Variants in RPTOR observed in about 807,000 individuals in gnomAD.
RPTOR encodes the protein regulatory associated protein of MTOR complex 1.
Under a neutral mutation model 169.9 loss-of-function variants are expected in RPTOR, and 21 were observed. The ratio of observed to expected loss-of-function variants is 0.12; its 90% CI spans 0.09 to 0.18. The LOEUF is 0.18. RPTOR is among the 10% of genes least tolerant of loss of function. RPTOR has a pLI of 1.00. For missense variants in RPTOR, 1,133 were observed against 1,855.9 expected, an observed-to-expected ratio of 0.61 and a Z score of 7.16; for synonymous variants, 732 against 753.2, an observed-to-expected ratio of 0.97 and a Z score of 0.46.
intron 24 of RPTOR, among the ~76,000 whole-genome samples, chr17:80,937,136 C>A (rs1263127535): frequency 1.3e-5 from 2 of 152,182 alleles, no homozygotes; most frequent in African/African-American, 4.8e-5. Flanking sequence ...GCCCTCACTT[C>A]AGGTCATCAG....
At chr17:80,822,968 C>T (rs1298091774) in intron 8 of RPTOR, 111 bp from the exon 9 acceptor site, 2 of 1,156,848 alleles carry the variant, frequency 1.7e-6, no homozygotes, top group Non-Finnish European at 2.5e-6. Context: ...GGGAGATATG[C>T]ATATTAGTCC....
intron 3 of RPTOR, among the ~76,000 whole-genome samples, chr17:80,666,349 C>G (rs2065779225): frequency 6.6e-6 from 1 of 152,128 alleles, no homozygotes; most frequent in African/African-American, 2.4e-5. Flanking sequence ...GCTGCAGACA[C>G]AGAAGATGGA....
In RPTOR at chr17:80,960,272, T is replaced by A; in HGVS notation, c.3605+67T>A. ...GTACCTTCCAGGTGGTAGGGCCGTG[T>A]CACTGCCATTTGGTTGGGTCCAGGT... is the stretch of plus-strand genomic sequence containing the variant. On this transcript the variant is annotated intron_variant, in intron 30 of 33. Transcript: ENST00000306801. This position sits in a 1 kb window ranked among gnomAD's most constrained non-coding sequence, Gnocchi z 4.8. 3.1e-6 allele frequency: 5 copies of A among 1,590,618 alleles called. No individual in the cohort carries two copies. Among genetic ancestry groups the A allele is most frequent in the Non-Finnish European group, 4.3e-6 (5 of 1,162,084 alleles).
At chr17:80,731,765 T>C (rs1358334091) in intron 5 of RPTOR, among the ~76,000 whole-genome samples, 1 of 152,248 alleles carries the variant, frequency 6.6e-6, no homozygotes, top group Non-Finnish European at 1.5e-5. Context: ...TTTTTGAATA[T>C]ATTCAATTTT....
intron 11 of RPTOR, among the ~76,000 whole-genome samples, chr17:80,848,214 C>T (rs947454415): frequency 2.6e-5 from 4 of 152,176 alleles, no homozygotes; most frequent in South Asian, 2.1e-4. Flanking sequence ...TAGGCCAAGG[C>T]GGGGAAGGAT....
chr17:80,545,488 G>C lies in RPTOR; in HGVS notation c.-142G>C. 1 of 627,334 alleles carries C rather than the reference G, an allele frequency of 1.6e-6. No homozygotes were observed. The highest frequency in any genetic ancestry group is 3.0e-5 in the Admixed American group (1 of 33,280). The allele number at this position is 627,334 out of a possible 1,614,324, so 38.9% of individuals were successfully genotyped here. On this transcript the variant is annotated 5_prime_UTR_variant, in exon 1 of 34. Coordinates refer to ENST00000306801, the MANE Select transcript of RPTOR (RefSeq NM_020761.3). ...GGATCTCAGACTTTTGCCTGAGTAA[G>C]GGTCTCCGCACTCTTTATCCATTTG...
intron 2 of RPTOR, among the ~76,000 whole-genome samples, chr17:80,628,308 A>G (rs2065412095): frequency 6.6e-6 from 1 of 152,198 alleles, no homozygotes; most frequent in African/African-American, 2.4e-5. Flanking sequence ...TGCCTGAAGA[A>G]CTTACTCTAA....
intron 5 of RPTOR, among the ~76,000 whole-genome samples, chr17:80,752,188 C>G (rs144334350): frequency 4.6e-4 from 70 of 152,352 alleles, no homozygotes; most frequent in Non-Finnish European, 8.2e-4. Context: ...TTCCCTGTCT[C>G]TTTCTGTCCC....
chr17:80,570,404 T>C (rs1481327041), intron 1 of RPTOR, among the ~76,000 whole-genome samples: 2 of 152,144 alleles, frequency 1.3e-5, no homozygotes, highest in African/African-American at 4.8e-5. Flanking sequence ...GAATGATGCG[T>C]GACGGGATCA....
At chr17:80,688,456 T>C (rs1161983849) in intron 3 of RPTOR, among the ~76,000 whole-genome samples, 3 of 152,248 alleles carry the variant, frequency 2.0e-5, no homozygotes, top group African/African-American at 7.2e-5. Context: ...AATGGTTCAG[T>C]ATTGTCAGGT....
chr17:80,652,063 C>T (rs545034280), intron 3 of RPTOR, among the ~76,000 whole-genome samples: 18 of 147,732 alleles, frequency 1.2e-4, no homozygotes, highest in Non-Finnish European at 1.9e-4. Context: ...CCAGCTATTC[C>T]GGAGGCTGAG....
In RPTOR at chr17:80,802,157, A is replaced by G. The variant is rs1311224286; in HGVS notation, c.890+10648A>G. 3 of 152,274 alleles carry G rather than the reference A, an allele frequency of 2.0e-5. No individual in the cohort carries two copies. In the East Asian group the frequency reaches 5.8e-4, roughly 29 times the overall value. 9.4% of individuals were successfully genotyped at this position (152,274 alleles called of 1,614,324 possible). A position where few individuals can be genotyped will look rare whatever the true frequency, so the allele number is the denominator to read the frequency against. On this transcript the variant is annotated intron_variant, in intron 7 of 33. Transcript: ENST00000306801. ...CCACCCCAGGGAACCTGCACACAGC[A>G]CGGAGATCTTCCGTTTCCTTCACAG...
At chr17:80,565,504 A>C (rs1049920314) in intron 1 of RPTOR, among the ~76,000 whole-genome samples, 2 of 152,114 alleles carry the variant, frequency 1.3e-5, no homozygotes, top group African/African-American at 4.8e-5. Context: ...GGGGAGAGTC[A>C]AGGCAGGGGA....
At chr17:80,712,371 C>T (rs1432815446) in intron 4 of RPTOR, among the ~76,000 whole-genome samples, 1 of 152,168 alleles carries the variant, frequency 6.6e-6, no homozygotes, top group Non-Finnish European at 1.5e-5. Context: ...CATCTTCTCT[C>T]CCCTAGCATT....
rs1268080319 is a variant in RPTOR, at chr17:80,651,358, A to G, written c.348+7548A>G. Among the ~76,000 whole-genome samples, 1 of 152,188 alleles carries G rather than the reference A, an allele frequency of 6.6e-6. No individual in the cohort carries two copies. The highest frequency in any genetic ancestry group is 1.5e-5 in the Non-Finnish European group (1 of 68,034). On this transcript the variant is annotated intron_variant, in intron 3 of 33. Coordinates refer to ENST00000306801, the MANE Select transcript of RPTOR (RefSeq NM_020761.3). The surrounding 1 kb of genome is among the most constrained non-coding windows in gnomAD (Gnocchi z 4.1). ...GAAAGTGCTGATCAAGGGGGAAACG[A>G]TCAATAACAGATTGGAGGGGGACGG...
chr17:80,884,702 C>A (rs190396966), intron 16 of RPTOR, among the ~76,000 whole-genome samples: 2 of 152,244 alleles, frequency 1.3e-5, no homozygotes, highest in Non-Finnish European at 1.5e-5. Flanking sequence ...TCCCAGCCCC[C>A]TCGTCTAACT....
chr17:80,647,238 G>C (rs756851970), intron 3 of RPTOR, among the ~76,000 whole-genome samples: 2 of 152,152 alleles, frequency 1.3e-5, no homozygotes, highest in Non-Finnish European at 2.9e-5. Flanking sequence ...TACCTTGTAG[G>C]TGTATAAATT....
At chr17:80,690,357 T>C (rs4889881) in intron 3 of RPTOR, among the ~76,000 whole-genome samples, 26,450 of 137,474 alleles carry the variant, frequency 0.19, 3,642 homozygotes, top group African/African-American at 0.41. Context: ...ACACACACAA[T>C]GTTTGTTTGA....
intron 6 of RPTOR, among the ~76,000 whole-genome samples, chr17:80,766,127 C>A (rs535623648): frequency 1.4e-4 from 22 of 152,218 alleles, no homozygotes; most frequent in Admixed American, 1.4e-3. Flanking sequence ...GTGAACACGG[C>A]CCACCGTAGT....
Sources: gnomAD v4.1 joint callset for allele counts (sites outside exome capture counted in the v4.1 genomes callset) on GRCh38, gnomAD v4.1.1 for gene constraint, Gnocchi (gnomAD v3.1) non-coding constraint, MANE v1.5 for transcripts, NCBI Gene and HGNC (gene_info 2026-07-23, HGNC 2026-07-21) for gene names.